Variants in PPARGC1A observed in about 807,000 individuals in gnomAD.
PPARGC1A encodes the protein PPARG coactivator 1 alpha.
In PPARGC1A, 25 loss-of-function variants were observed where a neutral mutation model predicts 88.7. The ratio of observed to expected loss-of-function variants is 0.28; its 90% CI spans 0.21 to 0.39. PPARGC1A has a LOEUF of 0.39. Among genes scored for constraint, PPARGC1A ranks in the 10% least tolerant of loss-of-function variants. PPARGC1A has a pLI of 1.00. For missense variants in PPARGC1A, 880 were observed against 968.7 expected, an observed-to-expected ratio of 0.91 and a Z score of 1.22; for synonymous variants, 363 against 355.6, an observed-to-expected ratio of 1.02 and a Z score of -0.24.
chr4:24,316,247 C>G, the PPARGC1A span, among the ~76,000 whole-genome samples: 13 of 152,312 alleles, frequency 8.5e-5, no homozygotes, highest in African/African-American at 3.1e-4. Flanking sequence ...TTCTATCTTA[C>G]ATGGGCAGAG....
At chr4:24,036,073 G>C in the PPARGC1A span, among the ~76,000 whole-genome samples, 2 of 152,096 alleles carry the variant, frequency 1.3e-5, no homozygotes, top group East Asian at 3.9e-4. Context: ...GCATAACCTT[G>C]GGCAAGTTAC....
At chr4:24,225,073 C>T in the PPARGC1A span, among the ~76,000 whole-genome samples, 1 of 152,064 alleles carries the variant, frequency 6.6e-6, no homozygotes, top group African/African-American at 2.4e-5. Context: ...TTGAAGATCA[C>T]GACTTTTACC....
the PPARGC1A span, among the ~76,000 whole-genome samples, chr4:24,317,519 C>T: frequency 3.3e-5 from 4 of 122,028 alleles, no homozygotes; most frequent in African/African-American, 1.3e-4. Context: ...GCCCTCATAG[C>T]AGAGGTGACT....
the PPARGC1A span, among the ~76,000 whole-genome samples, chr4:24,309,341 A>G: frequency 6.6e-6 from 1 of 152,188 alleles, no homozygotes; most frequent in African/African-American, 2.4e-5. Flanking sequence ...GCAAAGATGC[A>G]TCCAAATCCC....
the PPARGC1A span, among the ~76,000 whole-genome samples, chr4:24,366,245 A>G: frequency 7.6e-6 from 1 of 130,898 alleles, no homozygotes; most frequent in African/African-American, 2.5e-5. Context: ...ATTCCGTTTC[A>G]TTCACTGAAG....
the PPARGC1A span, among the ~76,000 whole-genome samples, chr4:24,107,843 G>T: frequency 2.6e-5 from 4 of 152,166 alleles, no homozygotes; most frequent in East Asian, 1.9e-4. Context: ...GAAACCCAGG[G>T]TGATAGAGTT....
At chr4:24,084,377 C>T in the PPARGC1A span, among the ~76,000 whole-genome samples, 37 of 152,284 alleles carry the variant, frequency 2.4e-4, no homozygotes, top group Middle Eastern at 3.4e-3. Context: ...GAGCAACAGC[C>T]GCAGGCTGGT....
chr4:23,925,971 C>T, the PPARGC1A span, among the ~76,000 whole-genome samples: 226 of 152,180 alleles, frequency 1.5e-3, 1 homozygote, highest in African/African-American at 4.8e-3. Flanking sequence ...CTCCTAAGAC[C>T]GTATTTCTAC....
At chr4:23,862,600 T>C (rs1731406473) in intron 2 of PPARGC1A, among the ~76,000 whole-genome samples, 1 of 152,198 alleles carries the variant, frequency 6.6e-6, no homozygotes, top group Non-Finnish European at 1.5e-5. Flanking sequence ...CCCATCATGG[T>C]GATTATGAGA....
the PPARGC1A span, among the ~76,000 whole-genome samples, chr4:24,228,273 T>C: frequency 6.6e-6 from 1 of 152,316 alleles, no homozygotes; most frequent in African/African-American, 2.4e-5. Context: ...ATTTCTCAAT[T>C]TGTTCAAAGC....
chr4:24,088,154 G>A, the PPARGC1A span, among the ~76,000 whole-genome samples: 1 of 151,988 alleles, frequency 6.6e-6, no homozygotes, highest in Non-Finnish European at 1.5e-5. Context: ...TTCAAGATTA[G>A]TCGAGGCAAC....
the PPARGC1A span, among the ~76,000 whole-genome samples, chr4:24,148,318 T>G: frequency 6.6e-6 from 1 of 152,166 alleles, no homozygotes; most frequent in Non-Finnish European, 1.5e-5. Flanking sequence ...TCCACACAAA[T>G]TCTGTTTTCC....
chr4:24,162,926 G>T, the PPARGC1A span, among the ~76,000 whole-genome samples: 1 of 151,792 alleles, frequency 6.6e-6, no homozygotes, highest in Admixed American at 6.6e-5. Context: ...TTTCTGCCAT[G>T]CCAGAAATGT....
At chr4:24,331,693 C>T in the PPARGC1A span, among the ~76,000 whole-genome samples, 2 of 152,018 alleles carry the variant, frequency 1.3e-5, no homozygotes, top group Non-Finnish European at 2.9e-5. Flanking sequence ...GTTGCATCTT[C>T]AGCATAATGT....
rs1724633641 is a variant in PPARGC1A, at chr4:23,829,566, G to A, written c.449C>T (p.Ala150Val). The A allele has an allele frequency of 6.2e-7, 1 of 1,611,668 alleles. No homozygotes were observed. The highest frequency in any genetic ancestry group is 1.3e-5 in the African/African-American group (1 of 74,908). The part of the protein sequence containing the change: ...EPSLLKKLLL[A>V]PANTQLSYNE... ...ATAACTTAGCTGAGTGTTGGCTGGT[G>A]CCAGTAAGAGCTTCTTAAGCTAGAA... The change falls in exon 4 of 13, where the codon GCA becomes GTA. Residue 150 changes from alanine (A) to valine (V), a missense_variant. Ala to Val is a moderately conservative substitution (Grantham distance 64, BLOSUM62 0). Coordinates refer to ENST00000264867, the MANE Select transcript of PPARGC1A (RefSeq NM_013261.5).
the PPARGC1A span, among the ~76,000 whole-genome samples, chr4:24,379,434 C>T: frequency 6.6e-6 from 1 of 152,042 alleles, no homozygotes; most frequent in African/African-American, 2.4e-5. Context: ...AAAGAGAGAA[C>T]ATGAAATGTT....
chr4:23,994,121 G>C, the PPARGC1A span, among the ~76,000 whole-genome samples: 1 of 152,084 alleles, frequency 6.6e-6, no homozygotes, highest in Non-Finnish European at 1.5e-5. Context: ...TTTGAATCCC[G>C]GTCACCTCAT....
the PPARGC1A span, among the ~76,000 whole-genome samples, chr4:23,969,944 T>C: frequency 5.3e-5 from 8 of 152,310 alleles, no homozygotes; most frequent in East Asian, 1.4e-3. Flanking sequence ...TTGTTTTCCA[T>C]TTCCCACAGA....
the PPARGC1A span, among the ~76,000 whole-genome samples, chr4:24,145,286 T>C: frequency 6.6e-6 from 1 of 152,184 alleles, no homozygotes; most frequent in Admixed American, 6.5e-5. Context: ...CCAGGCTGGC[T>C]TCAAACCCAC....
Sources: allele counts gnomAD v4.1 joint callset (sites outside exome capture counted in the v4.1 genomes callset), GRCh38; gene constraint gnomAD v4.1.1; transcripts MANE v1.5; gene names NCBI Gene and HGNC (gene_info 2026-07-23, HGNC 2026-07-21).